Variants in USH2A observed in about 807,000 individuals in gnomAD.
USH2A encodes the protein Usher syndrome 2A (autosomal recessive, mild).
USH2A carries 443 observed loss-of-function variants against 538.9 expected under a neutral mutation model. That is an observed-to-expected ratio of 0.82 (90% CI 0.76 to 0.89). The LOEUF (loss-of-function observed/expected upper bound fraction) is 0.89, where lower values mean the gene tolerates loss of function less well. USH2A is among the 40% of genes least tolerant of loss of function. The pLI, the probability that USH2A is intolerant of heterozygous loss-of-function variation, is 0.00. For synonymous variants in USH2A, 2,413 were observed against 2,273.5 expected (o/e 1.06, Z -1.75); for missense variants, 6,633 against 6,324.8 (o/e 1.05, Z -1.65).
chr1:215,867,271 C>T lies in USH2A; in HGVS notation c.8682-101G>A, dbSNP rs372061794. ...CTTCACAAAATACAGGATTTCCTTC[C>T]ACCCCTCTACAAAATACTGTTTTCT... On this transcript the variant is annotated intron_variant, in intron 43 of 71. Transcript: ENST00000307340. 5.5e-6 allele frequency: 7 copies of T among 1,273,062 alleles called. No individual in the cohort carries two copies. In the African/African-American group the frequency reaches 6.0e-5, roughly 11 times the overall value. 78.9% of individuals were successfully genotyped at this position (1,273,062 alleles called of 1,614,324 possible).
chr1:216,000,461 G>A lies in USH2A; in HGVS notation c.6427C>T (p.Pro2143Ser). Reference protein sequence around the residue: ...WVLLYTAQLPPEHVDSPVLTV... With the variant: ...WVLLYTAQLPSEHVDSPVLTV... ...AGAACTGGGGAATCCACGTGTTCTGGTGGCAGCTGTGCTGTGTACAGTAGG... is the reference window on the plus strand; with the variant it reads ...AGAACTGGGGAATCCACGTGTTCTGATGGCAGCTGTGCTGTGTACAGTAGG... The change falls in exon 33 of 72, where the codon CCA becomes TCA. Residue 2143 changes from proline to serine, a missense_variant. Coordinates refer to ENST00000307340, the MANE Select transcript of USH2A (RefSeq NM_206933.4). 1 of 1,613,718 alleles carries A rather than the reference G, an allele frequency of 6.2e-7. No individual in the cohort carries two copies. Among genetic ancestry groups the A allele is most frequent in the Non-Finnish European group, 8.5e-7 (1 of 1,179,734 alleles).
At chr1:215,753,621 T>G (rs1660690067) in intron 58 of USH2A, among the ~76,000 whole-genome samples, 3 of 149,854 alleles carry the variant, frequency 2.0e-5, no homozygotes, top group Non-Finnish European at 4.4e-5. Flanking sequence ...TGAGAACACA[T>G]GGACACAGGA....
chr1:216,407,538 A>G (rs2039415896), intron 3 of USH2A, among the ~76,000 whole-genome samples: 1 of 152,148 alleles, frequency 6.6e-6, no homozygotes, highest in South Asian at 2.1e-4. Flanking sequence ...CTTTAGAGAA[A>G]GAAATGCCAA....
intron 11 of USH2A, among the ~76,000 whole-genome samples, chr1:216,272,778 T>C (rs1005875207): frequency 6.6e-6 from 1 of 152,090 alleles, no homozygotes; most frequent in African/African-American, 2.4e-5. Flanking sequence ...TAGACATTGA[T>C]TGGCAAAATA....
chr1:216,338,231 T>C (rs190019695), intron 4 of USH2A, among the ~76,000 whole-genome samples: 166 of 151,556 alleles, frequency 1.1e-3, no homozygotes, highest in Non-Finnish European at 1.9e-3. Flanking sequence ...CTGCAAGATA[T>C]CAAAAGATAA....
chr1:215,993,008 G>C lies in USH2A; in HGVS notation c.6805+12C>G. 5 of 1,614,036 alleles carry C rather than the reference G, an allele frequency of 3.1e-6. No individual in the cohort carries two copies. The highest frequency in any genetic ancestry group is 4.2e-6 in the Non-Finnish European group (5 of 1,179,944). ...TCATCTTTTTAACTTGAGGCTAAAAGAGTTCACTTACCATTCGGATATTCA... is the reference window on the plus strand; with the variant it reads ...TCATCTTTTTAACTTGAGGCTAAAACAGTTCACTTACCATTCGGATATTCA... On this transcript the variant is annotated intron_variant, in intron 35 of 71. Coordinates refer to ENST00000307340, the MANE Select transcript of USH2A (RefSeq NM_206933.4).
rs1490456177 is a variant in USH2A at position 215,743,408 on chromosome 1, G to A, written c.11390-73C>T. The A allele has an allele frequency of 1.2e-3, 577 of 475,200 alleles. 70 individuals are homozygous for A. The East Asian group carries it at 0.014, about 11-fold the overall frequency. The allele number at this position is 475,200 out of a possible 1,614,324, so 29.4% of individuals were successfully genotyped here. ...TATATGTGTGTGTGTGTGTGTGTGT[G>A]TGTGTGTGTATATATATATAGACAC... On this transcript the variant is annotated intron_variant, in intron 58 of 71. Transcript: ENST00000307340.
At chr1:215,976,986 TTTTTTTTTTTTC>T (rs1374591130) in intron 35 of USH2A, among the ~76,000 whole-genome samples, 2 of 150,334 alleles carry the variant, frequency 1.3e-5, no homozygotes, top group Non-Finnish European at 3.0e-5. Context: ...CTGGTCCAGT[TTTTTTTTTTTTC>T]TTTTTTTTCG....
intron 38 of USH2A, among the ~76,000 whole-genome samples, chr1:215,905,385 G>T (rs1665613372): frequency 6.6e-6 from 1 of 152,018 alleles, no homozygotes; most frequent in Non-Finnish European, 1.5e-5. Flanking sequence ...GTAATATTTT[G>T]TATCAAATTC....
At chr1:216,205,469 A>AC (rs1357023075) in intron 16 of USH2A, among the ~76,000 whole-genome samples, 3 of 152,198 alleles carry the variant, frequency 2.0e-5, no homozygotes, top group African/African-American at 7.2e-5. Context: ...TAGAGCCAAG[A>AC]GAAAGGGGTG....
intron 12 of USH2A, among the ~76,000 whole-genome samples, chr1:216,248,061 C>T (rs1355809716): frequency 6.6e-6 from 1 of 151,994 alleles, no homozygotes; most frequent in Non-Finnish European, 1.5e-5. Flanking sequence ...TTTGTATGCT[C>T]CTCTATTTTA....
intron 9 of USH2A, among the ~76,000 whole-genome samples, chr1:216,313,530 C>T (rs2037457880): frequency 6.6e-6 from 1 of 152,106 alleles, no homozygotes; most frequent in Non-Finnish European, 1.5e-5. Context: ...ACTTTTTATA[C>T]TCTTTCTTAC....
At chr1:215,967,979 T>A (rs1326141876) in intron 36 of USH2A, among the ~76,000 whole-genome samples, 1 of 152,140 alleles carries the variant, frequency 6.6e-6, no homozygotes, top group East Asian at 1.9e-4. Flanking sequence ...ACTCCACTAG[T>A]GTTATGTAAC....
intron 22 of USH2A, 110 bp from the exon 23 acceptor site, chr1:216,089,249 C>T: frequency 8.5e-7 from 1 of 1,175,416 alleles, no homozygotes; most frequent in Middle Eastern, 2.0e-4. Context: ...GATCCTGATA[C>T]AAGCATGCAT....
At chr1:215,874,368 G>A (rs1664705404) in intron 43 of USH2A, among the ~76,000 whole-genome samples, 1 of 152,154 alleles carries the variant, frequency 6.6e-6, no homozygotes, top group African/African-American at 2.4e-5. Flanking sequence ...GCAACTAGCT[G>A]TGCAATTTAG....
At chr1:216,421,279 C>T (rs1558081659) in intron 2 of USH2A, among the ~76,000 whole-genome samples, 1 of 152,004 alleles carries the variant, frequency 6.6e-6, no homozygotes, top group Non-Finnish European at 1.5e-5. Context: ...AATGAAAATA[C>T]CACAAGATAA....
intron 21 of USH2A, among the ~76,000 whole-genome samples, chr1:216,122,549 G>A (rs932749192): frequency 3.3e-5 from 5 of 152,162 alleles, no homozygotes; most frequent in Admixed American, 2.6e-4. Flanking sequence ...TAGGATACTA[G>A]GCAGCTTTCC....
chr1:215,647,831 C>CACAGAGCT (rs1436008021), intron 66 of USH2A, 101 bp from the exon 67 acceptor site: 1 of 1,336,394 alleles, frequency 7.5e-7, no homozygotes, highest in East Asian at 2.4e-5. Flanking sequence ...ATTTTGTTTT[C>CACAGAGCT]ACAGAGCTAC....
chr1:216,146,642 C>G (rs929438036), intron 21 of USH2A, among the ~76,000 whole-genome samples: 15 of 151,988 alleles, frequency 9.9e-5, no homozygotes, highest in African/African-American at 3.4e-4. Flanking sequence ...TATCTCTGTG[C>G]CCCAATCCCT....
Sources: allele counts gnomAD v4.1 joint callset (sites outside exome capture counted in the v4.1 genomes callset), GRCh38; gene constraint gnomAD v4.1.1; transcripts MANE v1.5; gene names NCBI Gene and HGNC (gene_info 2026-07-23, HGNC 2026-07-21).